The following KCNIP4 variants were observed in gnomAD, a reference collection of about 807,000 sequenced individuals.
KCNIP4 encodes the protein Kv channel-interacting protein 4.
KCNIP4 carries 12 observed loss-of-function variants against 34.0 expected under a neutral mutation model. The observed-to-expected ratio is 0.35, with a 90% CI of 0.23 to 0.57. KCNIP4 has a LOEUF of 0.57. KCNIP4 is among the 20% of genes least tolerant of loss of function. KCNIP4 has a pLI of 0.83. For missense variants in KCNIP4, 238 were observed against 311.7 expected (o/e 0.76, Z 1.78); for synonymous variants, 124 against 102.2 (o/e 1.21, Z -1.29).
intron 1 of KCNIP4, among the ~76,000 whole-genome samples, chr4:21,020,935 C>G (rs114889478): frequency 8.3e-4 from 127 of 152,242 alleles, no homozygotes; most frequent in African/African-American, 2.8e-3. Flanking sequence ...CTTGCTAAGA[C>G]TTTTAAATGC....
intron 1 of KCNIP4, among the ~76,000 whole-genome samples, chr4:21,069,949 C>T (rs565950789): frequency 1.4e-4 from 21 of 152,210 alleles, no homozygotes; most frequent in African/African-American, 4.8e-4. Flanking sequence ...TATTCTATCA[C>T]CACAAAGATC....
chr4:20,772,799 G>A (rs554565161), intron 3 of KCNIP4, among the ~76,000 whole-genome samples: 5 of 151,760 alleles, frequency 3.3e-5, no homozygotes, highest in Admixed American at 2.6e-4. Context: ...CCGCCACGAC[G>A]CCCGGCTAAT....
chr4:21,779,400 T>C (rs1043321195), intron 1 of KCNIP4, among the ~76,000 whole-genome samples: 12 of 152,120 alleles, frequency 7.9e-5, no homozygotes, highest in Non-Finnish European at 5.9e-5. Flanking sequence ...AATAATAATA[T>C]ATATTTGAAA....
At chr4:21,893,215 AT>A (rs1727205137) in intron 1 of KCNIP4, among the ~76,000 whole-genome samples, 1 of 152,176 alleles carries the variant, frequency 6.6e-6, no homozygotes, top group African/African-American at 2.4e-5. Flanking sequence ...CAAATAAATT[AT>A]AAGGGCAGAA....
intron 1 of KCNIP4, among the ~76,000 whole-genome samples, chr4:21,790,134 G>A (rs886175738): frequency 6.6e-5 from 10 of 152,140 alleles, no homozygotes; most frequent in African/African-American, 2.4e-4. Context: ...ACCACATACT[G>A]CTTGCGTGAG....
chr4:21,315,920 C>T (rs1423055425), intron 1 of KCNIP4, among the ~76,000 whole-genome samples: 1 of 152,160 alleles, frequency 6.6e-6, no homozygotes, highest in Non-Finnish European at 1.5e-5. Flanking sequence ...AAAACCCCTA[C>T]CAACTTTCCA....
intron 1 of KCNIP4, among the ~76,000 whole-genome samples, chr4:21,410,942 C>A (rs1724443544): frequency 6.6e-6 from 1 of 152,024 alleles, no homozygotes; most frequent in Non-Finnish European, 1.5e-5. Flanking sequence ...CACAGACAGA[C>A]AACACTGAAA....
chr4:21,342,825 C>G (rs927404276), intron 1 of KCNIP4, among the ~76,000 whole-genome samples: 1 of 151,982 alleles, frequency 6.6e-6, no homozygotes, highest in African/African-American at 2.4e-5. Context: ...TTTCCTGATA[C>G]AAGTCCTCCC....
rs1394673419 is a variant in KCNIP4 at position 21,286,225 on chromosome 4, A to ATTT, written c.62-403517_62-403516insAAA. Among the ~76,000 whole-genome samples the ATTT allele has an allele frequency of 3.7e-3, 566 of 152,334 alleles. 2 individuals carry two copies. Among genetic ancestry groups the ATTT allele is most frequent in the African/African-American group, 0.012 (494 of 41,574 alleles). On this transcript the variant is annotated intron_variant, in intron 1 of 8. Coordinates refer to ENST00000382152, the MANE Select transcript of KCNIP4 (RefSeq NM_025221.6). ...AGGTCTGAATACTTGGAGTAAATAG[A>ATTT]ATGTTTGATTGGACAACATTGTGTA... is the stretch of plus-strand genomic sequence containing the variant.
At chr4:21,940,362 A>G (rs1730135238) in intron 1 of KCNIP4, among the ~76,000 whole-genome samples, 1 of 152,214 alleles carries the variant, frequency 6.6e-6, no homozygotes, top group Non-Finnish European at 1.5e-5. Context: ...GGACAGGAAC[A>G]GCACTTATAC....
chr4:21,701,822 G>T (rs1403903245), intron 1 of KCNIP4, among the ~76,000 whole-genome samples: 5 of 151,988 alleles, frequency 3.3e-5, no homozygotes, highest in African/African-American at 4.8e-5. Context: ...TCCTGCCTCA[G>T]CCTCCCGAGT....
intron 3 of KCNIP4, among the ~76,000 whole-genome samples, chr4:20,769,072 CAA>C (rs5856579): frequency 0.018 from 1,816 of 99,724 alleles, 31 homozygotes; most frequent in African/African-American, 0.053. Context: ...GATTTACAGC[CAA>C]AAAAAAAAAA....
In KCNIP4 at chr4:21,080,498, T is replaced by C. The variant is rs16870333; in HGVS notation, c.62-197789A>G. On this transcript the variant is annotated intron_variant, in intron 1 of 8. Coordinates refer to ENST00000382152, the MANE Select transcript of KCNIP4 (RefSeq NM_025221.6). ...CCTTAACAATATTTTATAGCATGTG[T>C]TCGTTATTATGCTTACCTTTACAAA... Among the ~76,000 whole-genome samples the C allele has an allele frequency of 6.4e-3, 980 of 152,016 alleles. 28 individuals carry two copies. Among genetic ancestry groups the C allele is most frequent in the African/African-American group, 0.021 (874 of 41,356 alleles).
At chr4:21,739,432 G>T (rs902847877) in intron 1 of KCNIP4, among the ~76,000 whole-genome samples, 1 of 151,952 alleles carries the variant, frequency 6.6e-6, no homozygotes, top group African/African-American at 2.4e-5. Context: ...ACTTTTTAAA[G>T]CTTACAGCTC....
chr4:21,759,220 A>T (rs1717881944), intron 1 of KCNIP4, among the ~76,000 whole-genome samples: 1 of 152,184 alleles, frequency 6.6e-6, no homozygotes, highest in Non-Finnish European at 1.5e-5. Context: ...TAATATATTG[A>T]TTAAATGTGT....
chr4:20,933,492 G>C (rs542312380), intron 1 of KCNIP4, among the ~76,000 whole-genome samples: 6 of 152,146 alleles, frequency 3.9e-5, no homozygotes, highest in South Asian at 2.1e-4. Flanking sequence ...ATTTATGAAG[G>C]CTTTCCAAAG....
chr4:21,089,352 C>T (rs1025102865), intron 1 of KCNIP4, among the ~76,000 whole-genome samples: 2 of 152,154 alleles, frequency 1.3e-5, no homozygotes, highest in African/African-American at 4.8e-5. Flanking sequence ...CACCTTCCAC[C>T]ACGATTGTAA....
intron 1 of KCNIP4, among the ~76,000 whole-genome samples, chr4:21,487,206 C>T (rs1196103455): frequency 1.3e-5 from 2 of 152,136 alleles, no homozygotes; most frequent in Admixed American, 6.5e-5. Flanking sequence ...TCCTTAAGCT[C>T]TTCTTGGCTG....
At chr4:21,565,797 G>A (rs547203047) in intron 1 of KCNIP4, among the ~76,000 whole-genome samples, 4 of 152,246 alleles carry the variant, frequency 2.6e-5, no homozygotes, top group Non-Finnish European at 4.4e-5. Flanking sequence ...AATGAGGAGT[G>A]CAGAGAGCTC....
Sources: allele counts gnomAD v4.1 joint callset (sites outside exome capture counted in the v4.1 genomes callset), GRCh38; gene constraint gnomAD v4.1.1; transcripts MANE v1.5; gene names NCBI Gene and HGNC (gene_info 2026-07-23, HGNC 2026-07-21).